The following EPHA5 variants were observed in gnomAD, a reference collection of about 807,000 sequenced individuals.
EPHA5 encodes EPH receptor A5, also known as ephrin type-A receptor 5.
EPHA5 carries 60 observed loss-of-function variants against 105.0 expected under a neutral mutation model. The observed-to-expected ratio is 0.57, with a 90% CI of 0.46 to 0.71. The LOEUF is 0.71. Among genes scored for constraint, EPHA5 ranks in the 30% least tolerant of loss-of-function variants. The pLI is 0.00. For synonymous variants in EPHA5, 513 were observed against 449.1 expected, an observed-to-expected ratio of 1.14 and a Z score of -1.80; for missense variants, 1,218 against 1,274.7, an observed-to-expected ratio of 0.96 and a Z score of 0.68.
chr4:65,422,440 C>G (rs966200662), intron 5 of EPHA5, among the ~76,000 whole-genome samples: 2 of 152,012 alleles, frequency 1.3e-5, no homozygotes, highest in African/African-American at 4.8e-5. Flanking sequence ...TACCTTTTGC[C>G]CATTCTCTGC....
intron 3 of EPHA5, among the ~76,000 whole-genome samples, chr4:65,553,115 CTGAG>C (rs1738080978): frequency 6.6e-6 from 1 of 152,042 alleles, no homozygotes; most frequent in Non-Finnish European, 1.5e-5. Context: ...TAATACTTCT[CTGAG>C]TGGGGTAGGT....
intron 11 of EPHA5, among the ~76,000 whole-genome samples, chr4:65,354,597 T>C (rs1178834391): frequency 6.6e-6 from 1 of 151,700 alleles, no homozygotes; most frequent in East Asian, 1.9e-4. Context: ...ACTATACAAT[T>C]GTGAAATGCA....
At chr4:65,637,225 G>GTGT (rs1747203734) in intron 2 of EPHA5, among the ~76,000 whole-genome samples, 1 of 139,040 alleles carries the variant, frequency 7.2e-6, no homozygotes, top group African/African-American at 2.6e-5. Flanking sequence ...GCACAGAAAA[G>GTGT]TTTTTTTTTT....
chr4:65,403,003 A>G (rs1463154175), intron 8 of EPHA5, among the ~76,000 whole-genome samples: 2 of 126,512 alleles, frequency 1.6e-5, no homozygotes, highest in African/African-American at 5.0e-5. Flanking sequence ...TGTCCTCAAC[A>G]GAACACAAAC....
At chr4:65,581,729 G>A (rs940149818) in intron 3 of EPHA5, among the ~76,000 whole-genome samples, 1 of 151,628 alleles carries the variant, frequency 6.6e-6, no homozygotes, top group African/African-American at 2.4e-5. Flanking sequence ...TAAAATATAG[G>A]CTTGAACTAG....
At chr4:65,576,010 G>GAAAGAA (rs1382288446) in intron 3 of EPHA5, among the ~76,000 whole-genome samples, 2 of 73,916 alleles carry the variant, frequency 2.7e-5, no homozygotes, top group Non-Finnish European at 5.2e-5. Context: ...GAGAAAGAAA[G>GAAAGAA]AAAGAAAGAA....
chr4:65,479,775 A>G (rs999857985), intron 5 of EPHA5, among the ~76,000 whole-genome samples: 3 of 152,196 alleles, frequency 2.0e-5, no homozygotes, highest in African/African-American at 4.8e-5. Context: ...TTTATAAAAC[A>G]TGATTATGTA....
At position 65,323,009 on chromosome 4, in the gene EPHA5, C is replaced by T. The variant is rs1362929099; in HGVS notation, c.*1105G>A. On this transcript the variant is annotated 3_prime_UTR_variant, in exon 17 of 17. Transcript: ENST00000613740. ...CAGAAGCCTGCACAGTTAAATCCTT[C>T]TACATCCTGCTGAAAATGTGCCCTT... The T allele has an allele frequency of 4.4e-6, 1 of 229,058 alleles. No individual in the cohort carries two copies. Among genetic ancestry groups the T allele is most frequent in the Non-Finnish European group, 8.7e-6 (1 of 115,450 alleles). The allele number at this position is 229,058 out of a possible 1,614,324, so 14.2% of individuals were successfully genotyped here. A position where few individuals can be genotyped will look rare whatever the true frequency, so the allele number is the denominator to read the frequency against.
chr4:65,395,287 C>T (rs553645795), intron 8 of EPHA5, among the ~76,000 whole-genome samples: 11 of 152,246 alleles, frequency 7.2e-5, no homozygotes, highest in South Asian at 2.1e-4. Context: ...CTACTTATCA[C>T]GCTACTAAGT....
chr4:65,364,769 T>A (rs1337345120), intron 11 of EPHA5, among the ~76,000 whole-genome samples: 2 of 151,540 alleles, frequency 1.3e-5, no homozygotes, highest in African/African-American at 4.8e-5. Flanking sequence ...GCTTCTTTTA[T>A]CTGGATACAT....
intron 14 of EPHA5, 110 bp from the exon 15 acceptor site, chr4:65,336,235 A>G: frequency 1.3e-6 from 1 of 743,428 alleles, no homozygotes; most frequent in South Asian, 3.6e-5. Context: ...TTACTCTTGC[A>G]ATAACAACTA....
rs1722847259 is a variant in EPHA5 at position 65,410,881 on chromosome 4, C to G, written c.1687+3403G>C. On this transcript the variant is annotated intron_variant, in intron 7 of 16. Transcript: ENST00000613740. ...GCATTTTTAAAAATTAAAAGAATCACAAATGTGATTGATAAATCTTGGGCA... is the reference window on the plus strand; with the variant it reads ...GCATTTTTAAAAATTAAAAGAATCAGAAATGTGATTGATAAATCTTGGGCA... 2.6e-5 allele frequency among the ~76,000 whole-genome samples: 4 copies of G among 152,022 alleles called. No individual in the cohort carries two copies. The South Asian group carries it at 8.3e-4, about 32-fold the overall frequency.
Position 65,490,614 on chromosome 4 carries a change from C to T in EPHA5, c.1165G>A (p.Val389Met), listed in dbSNP as rs553493695. The change falls in exon 5 of 17, where the codon GTG becomes ATG. Residue 389 changes from valine to methionine, a missense_variant. Val to Met is a conservative substitution (Grantham distance 21). Around this residue, in one of 3 missense-constraint regions of EPHA5, gnomAD observed 971 missense variants for 1,013.5 expected, o/e 0.96. Transcript: ENST00000613740. ...TTCTTGCATGCAATATAATATGACA[C>T]GTCTTTCCTTCCACCAGTGTCAGCA... ...PPADTGGRKD[V>M]SYYIACKKCN... 17 of 1,614,112 alleles carry T rather than the reference C, an allele frequency of 1.1e-5. No homozygotes were observed. Among genetic ancestry groups the T allele is most frequent in the East Asian group, 2.2e-5 (1 of 44,866 alleles).
intron 3 of EPHA5, among the ~76,000 whole-genome samples, chr4:65,583,879 C>T (rs72642645): frequency 7.7e-4 from 117 of 151,116 alleles, no homozygotes; most frequent in Admixed American, 2.4e-3. Context: ...TTCTTATTTG[C>T]GAATGTATAT....
chr4:65,351,307 C>T lies in EPHA5; in HGVS notation c.2445+82G>A, dbSNP rs181297744. The T allele has an allele frequency of 7.3e-5, 90 of 1,239,182 alleles. No homozygotes were observed. In the African/African-American group the frequency reaches 1.1e-3, roughly 15 times the overall value. 76.8% of individuals were successfully genotyped at this position (1,239,182 alleles called of 1,614,324 possible). ...TCTTTTTGACTTTGTTGCAGGAATGCTCTTTTAGCTATTTCTTTCAGAATC... is the reference window on the plus strand; with the variant it reads ...TCTTTTTGACTTTGTTGCAGGAATGTTCTTTTAGCTATTTCTTTCAGAATC... On this transcript the variant is annotated intron_variant, in intron 13 of 16. Transcript: ENST00000613740.
At chr4:65,459,853 A>G (rs1332952204) in intron 5 of EPHA5, among the ~76,000 whole-genome samples, 1 of 151,858 alleles carries the variant, frequency 6.6e-6, no homozygotes. Flanking sequence ...AGTTAAAATC[A>G]GCAAATGAAA....
At chr4:65,448,803 T>C (rs923572980) in intron 5 of EPHA5, among the ~76,000 whole-genome samples, 5 of 152,274 alleles carry the variant, frequency 3.3e-5, no homozygotes, top group African/African-American at 1.2e-4. Context: ...AAGAAAATGA[T>C]AAACTCTTTA....
At chr4:65,494,267 G>A (rs1731704600) in intron 4 of EPHA5, among the ~76,000 whole-genome samples, 1 of 152,130 alleles carries the variant, frequency 6.6e-6, no homozygotes, top group Non-Finnish European at 1.5e-5. Context: ...TAGACACTAT[G>A]AAATTCAGAT....
intron 13 of EPHA5, among the ~76,000 whole-genome samples, chr4:65,350,649 A>G (rs1722728332): frequency 6.6e-6 from 1 of 152,150 alleles, no homozygotes; most frequent in African/African-American, 2.4e-5. Context: ...CAGATCACCC[A>G]TAACATTCTG....
Sources: allele counts gnomAD v4.1 joint callset (sites outside exome capture counted in the v4.1 genomes callset), GRCh38; gene constraint gnomAD v4.1.1; regional missense constraint gnomAD v4.1.1; transcripts MANE v1.5; gene names NCBI Gene and HGNC (gene_info 2026-07-23, HGNC 2026-07-21).